The following GMDS variants were observed in gnomAD, a reference collection of about 807,000 sequenced individuals.
The protein encoded by GMDS is GDP-mannose 4,6 dehydratase.
Under a neutral mutation model 49.9 loss-of-function variants are expected in GMDS, and 20 were observed. That is an observed-to-expected ratio of 0.40 (90% confidence interval 0.28 to 0.58). The LOEUF (loss-of-function observed/expected upper bound fraction) is 0.58, where lower values mean the gene tolerates loss of function less well. Ranked by LOEUF, GMDS falls within the 20% of genes least tolerant of loss-of-function variation. GMDS has a pLI of 0.42. For missense variants in GMDS, 362 were observed against 481.4 expected, an observed-to-expected ratio of 0.75 and a Z score of 2.32; for synonymous variants, 177 against 178.6, an observed-to-expected ratio of 0.99 and a Z score of 0.07.
At chr6:2,090,839 A>G (rs543166894) in intron 4 of GMDS, among the ~76,000 whole-genome samples, 9 of 152,350 alleles carry the variant, frequency 5.9e-5, no homozygotes, top group Non-Finnish European at 1.2e-4. Flanking sequence ...TCAAACTATC[A>G]GCATAACAGA....
intron 1 of GMDS, among the ~76,000 whole-genome samples, chr6:2,216,812 C>T (rs1182222054): frequency 1.3e-5 from 2 of 152,210 alleles, no homozygotes; most frequent in African/African-American, 2.4e-5. Flanking sequence ...CCAAACACCC[C>T]CAAAGTGCTT....
At chr6:1,966,540 C>T (rs1467176780) in intron 4 of GMDS, among the ~76,000 whole-genome samples, 1 of 152,186 alleles carries the variant, frequency 6.6e-6, no homozygotes, top group African/African-American at 2.4e-5. Flanking sequence ...TACCAGGTCC[C>T]CTGCACCCCG....
At chr6:1,740,640 TAATC>T (rs2113484890) in intron 8 of GMDS, among the ~76,000 whole-genome samples, 1 of 150,290 alleles carries the variant, frequency 6.7e-6, no homozygotes, top group Non-Finnish European at 1.5e-5. Context: ...ATTCCAAACA[TAATC>T]AATCCAACAA....
At chr6:1,746,045 T>C (rs1767482303) in intron 7 of GMDS, among the ~76,000 whole-genome samples, 1 of 152,214 alleles carries the variant, frequency 6.6e-6, no homozygotes, top group African/African-American at 2.4e-5. Flanking sequence ...GCTCCATTGA[T>C]TCCCTGATGG....
chr6:1,697,201 T>C (rs1429635482), intron 9 of GMDS, among the ~76,000 whole-genome samples: 1 of 152,222 alleles, frequency 6.6e-6, no homozygotes, highest in Non-Finnish European at 1.5e-5. Context: ...CTAAAGATTG[T>C]TGCAGTGCGT....
intron 7 of GMDS, among the ~76,000 whole-genome samples, chr6:1,802,803 A>C (rs997511557): frequency 6.6e-6 from 1 of 152,204 alleles, no homozygotes; most frequent in African/African-American, 2.4e-5. Flanking sequence ...ATCTAATTTA[A>C]TCCATTGGAG....
rs1007705951 is a variant in GMDS, at chr6:1,678,425, C to T, written c.987+47991G>A. ...CCATCGATCTCTCAGATTTGAGCAG[C>T]CTGGTTCCCTGGTGACCTTGATTCA... is the stretch of plus-strand genomic sequence containing the variant. On this transcript the variant is annotated intron_variant, in intron 9 of 10. Coordinates refer to ENST00000380815, the MANE Select transcript of GMDS (RefSeq NM_001500.4). Among the ~76,000 whole-genome samples, 16 of 152,286 alleles carry T rather than the reference C, an allele frequency of 1.1e-4. 1 individual carries two copies. In the East Asian group the frequency reaches 2.1e-3, roughly 20 times the overall value.
chr6:1,913,165 A>C (rs1180607643), intron 7 of GMDS, among the ~76,000 whole-genome samples: 1 of 151,932 alleles, frequency 6.6e-6, no homozygotes, highest in Admixed American at 6.6e-5. Context: ...GCGGATCACG[A>C]GGTCAGGAGA....
chr6:2,132,784 C>T (rs1405988181), intron 1 of GMDS, among the ~76,000 whole-genome samples: 9 of 152,148 alleles, frequency 5.9e-5, no homozygotes, highest in Admixed American at 1.3e-4. Flanking sequence ...TCTGCCTAAC[C>T]GGACAGTTCA....
intron 4 of GMDS, among the ~76,000 whole-genome samples, chr6:2,108,132 A>G (rs1222245091): frequency 6.6e-6 from 1 of 152,238 alleles, no homozygotes; most frequent in Non-Finnish European, 1.5e-5. Flanking sequence ...ATATATGGAC[A>G]AAAATGTATT....
intron 9 of GMDS, among the ~76,000 whole-genome samples, chr6:1,644,007 G>A (rs1763412569): frequency 1.3e-5 from 2 of 149,788 alleles, no homozygotes; most frequent in East Asian, 1.9e-4. Context: ...CCCAGCCCCC[G>A]TTGTCCCCAG....
chr6:1,730,581 GT>G (rs1481635950), intron 8 of GMDS, among the ~76,000 whole-genome samples: 1 of 152,186 alleles, frequency 6.6e-6, no homozygotes, highest in African/African-American at 2.4e-5. Context: ...TCAGTGAAGA[GT>G]GGGTCACCAT....
At chr6:1,826,307 G>T (rs1315362494) in intron 7 of GMDS, among the ~76,000 whole-genome samples, 3 of 152,174 alleles carry the variant, frequency 2.0e-5, no homozygotes, top group Non-Finnish European at 4.4e-5. Flanking sequence ...TGTATATGTG[G>T]TCTGCCGCTG....
intron 1 of GMDS, among the ~76,000 whole-genome samples, chr6:2,198,736 C>T (rs1219934906): frequency 1.3e-5 from 2 of 152,330 alleles, no homozygotes; most frequent in Middle Eastern, 6.8e-3. Flanking sequence ...CCACATCAGA[C>T]TTCTCAACAA....
intron 4 of GMDS, among the ~76,000 whole-genome samples, chr6:2,014,343 G>A (rs1457513213): frequency 1.3e-5 from 2 of 151,810 alleles, no homozygotes; most frequent in Non-Finnish European, 2.9e-5. Context: ...ATATATAACT[G>A]TTCAAAGTGA....
intron 4 of GMDS, among the ~76,000 whole-genome samples, chr6:1,971,760 G>C (rs921662101): frequency 6.6e-6 from 1 of 152,194 alleles, no homozygotes; most frequent in African/African-American, 2.4e-5. Context: ...CAGGAGGGCT[G>C]GAAAATATTT....
intron 4 of GMDS, among the ~76,000 whole-genome samples, chr6:2,047,768 C>G (rs1373830763): frequency 6.6e-6 from 1 of 152,116 alleles, no homozygotes; most frequent in Admixed American, 6.6e-5. Context: ...GGATTACAGG[C>G]ATGAGCCACT....
chr6:1,645,633 G>T (rs1333606210), intron 9 of GMDS, among the ~76,000 whole-genome samples: 1 of 152,170 alleles, frequency 6.6e-6, no homozygotes, highest in Non-Finnish European at 1.5e-5. Context: ...CTCCTGGGGC[G>T]GGCCCCTTTC....
intron 9 of GMDS, among the ~76,000 whole-genome samples, chr6:1,669,948 C>T (rs1439303221): frequency 6.9e-6 from 1 of 144,196 alleles, no homozygotes; most frequent in Non-Finnish European, 1.5e-5. Context: ...AAAGCTGTCA[C>T]CGCCGGTCCC....
Sources: allele counts gnomAD v4.1 joint callset (sites outside exome capture counted in the v4.1 genomes callset), GRCh38; gene constraint gnomAD v4.1.1; transcripts MANE v1.5; gene names NCBI Gene and HGNC (gene_info 2026-07-23, HGNC 2026-07-21).